ZNF491: variants seen among roughly 807,000 people sequenced by gnomAD.
ZNF491 encodes zinc finger protein 491.
In ZNF491, 22 loss-of-function variants were observed where a neutral mutation model predicts 34.7. The observed-to-expected ratio is 0.63, with a 90% CI of 0.45 to 0.90. The LOEUF is 0.90. Ranked by LOEUF, ZNF491 falls within the 40% of genes least tolerant of loss-of-function variation. The pLI, the probability that ZNF491 is intolerant of heterozygous loss-of-function variation, is 0.00. For missense variants in ZNF491, 559 were observed against 531.7 expected, an observed-to-expected ratio of 1.05 and a Z score of -0.51; for synonymous variants, 148 against 174.3, an observed-to-expected ratio of 0.85 and a Z score of 1.19.
intron 1 of ZNF491, among the ~76,000 whole-genome samples, chr19:11,802,769 T>C (rs1476027960): frequency 6.6e-6 from 1 of 152,190 alleles, no homozygotes; most frequent in African/African-American, 2.4e-5. Context: ...TCAAATCCAC[T>C]TTCCAGATAC....
Position 11,804,532 on chromosome 19 carries a change from G to A in ZNF491, c.-133-10G>A. 3.9e-6 allele frequency: 6 copies of A among 1,549,758 alleles called. No homozygotes were observed. Among genetic ancestry groups the A allele is most frequent in the Non-Finnish European group, 5.2e-6 (6 of 1,153,206 alleles). On this transcript the variant is annotated splice_polypyrimidine_tract_variant and intron_variant, in intron 1 of 2. Transcript: ENST00000323169. ...CACCCATCCTCCTCTACACATGTGA[G>A]ATGTTTCAGGACCCAGTGGCCTTTG...
In ZNF491 at chr19:11,807,246, A is replaced by C. The variant is rs560125204; in HGVS notation, c.1293A>C (p.Arg431Ser). The change falls in exon 3 of 3, where the codon AGA becomes AGC. Residue 431 changes from arginine (R) to serine (S), a missense_variant. Transcript: ENST00000323169. ...IRSSYCRKHERTHTINI is the reference protein window; with the variant it reads ...IRSSYCRKHESTHTINI ...CCAGTTACTGTCGAAAACATGAAAG[A>C]ACTCACACTATTAATATATGAGAGA... 3.3e-4 allele frequency: 506 copies of C among 1,552,750 alleles called. 5 individuals carry two copies. The South Asian group carries it at 6.1e-3, about 19-fold the overall frequency.
rs184547733 is a variant in ZNF491 at position 11,805,135 on chromosome 19, C to T, written c.-8+468C>T. ...ATAGTATTAAGAAACCTCAGCTGGC[C>T]GTGGTGGCTCACGCCTGTAATCCCA... On this transcript the variant is annotated intron_variant, in intron 2 of 2. Transcript: ENST00000323169. Among the ~76,000 whole-genome samples the T allele has an allele frequency of 1.1e-3, 166 of 152,274 alleles. 1 individual carries two copies. Among genetic ancestry groups the T allele is most frequent in the Admixed American group, 1.7e-3 (26 of 15,286 alleles).
intron 1 of ZNF491, among the ~76,000 whole-genome samples, chr19:11,801,747 T>G (rs1422281757): frequency 6.6e-6 from 1 of 152,238 alleles, no homozygotes; most frequent in Non-Finnish European, 1.5e-5. Flanking sequence ...TTTGACAATT[T>G]TATATAACTT....
At chr19:11,800,700 T>A (rs1003790117) in intron 1 of ZNF491, among the ~76,000 whole-genome samples, 4 of 152,068 alleles carry the variant, frequency 2.6e-5, no homozygotes, top group African/African-American at 7.2e-5. Context: ...TTTGTATTTT[T>A]AGTAGAGACA....
intron 1 of ZNF491, among the ~76,000 whole-genome samples, chr19:11,803,821 T>C (rs1568232854): frequency 1.3e-5 from 2 of 152,154 alleles, no homozygotes; most frequent in Admixed American, 6.5e-5. Flanking sequence ...CTTTCCATAC[T>C]CTGTTCTTTG....
chr19:11,801,823 T>A (rs146471561), intron 1 of ZNF491, among the ~76,000 whole-genome samples: 5 of 152,204 alleles, frequency 3.3e-5, no homozygotes, highest in African/African-American at 1.2e-4. Context: ...CTTAGTATCA[T>A]GAAGTTTCAT....
Position 11,807,395 on chromosome 19 carries a change from A to C in ZNF491, c.*128A>C. ...AAGTGTCAATAAAGGAAGGCAATAA[A>C]ATGTAGAGATGGAGTTAGGTGATGC... On this transcript the variant is annotated 3_prime_UTR_variant, in exon 3 of 3. Transcript: ENST00000323169. The C allele has an allele frequency of 1.5e-6, 1 of 655,074 alleles. No homozygotes were observed. The highest frequency in any genetic ancestry group is 2.5e-6 in the Non-Finnish European group (1 of 406,898). The allele number at this position is 655,074 out of a possible 1,614,324, so 40.6% of individuals were successfully genotyped here.
Position 11,806,500 on chromosome 19 carries a change from G to T in ZNF491, c.547G>T (p.Gly183Trp). 1.2e-6 allele frequency: 2 copies of T among 1,614,022 alleles called. No homozygotes were observed. The highest frequency in any genetic ancestry group is 2.2e-5 in the South Asian group (2 of 91,064). ...TCGAATCCATGAAAGAACTCACACT[G>T]GGGAGAAGCCATATGAATGTAAGGA... ...SVRIHERTHT[G>W]EKPYECKECG... Residue 183 changes from glycine to tryptophan, a missense_variant, in exon 3 of 3, where the codon GGG (glycine) becomes TGG (tryptophan). Coordinates refer to ENST00000323169, the MANE Select transcript of ZNF491 (RefSeq NM_152356.4).
intron 1 of ZNF491, among the ~76,000 whole-genome samples, chr19:11,800,081 G>T (rs1038981283): frequency 6.6e-5 from 10 of 152,192 alleles, no homozygotes. Flanking sequence ...GAGGATGGAA[G>T]TTGGTTTAGT....
chr19:11,805,610 G>A (rs895910432), intron 2 of ZNF491, among the ~76,000 whole-genome samples: 8 of 152,144 alleles, frequency 5.3e-5, no homozygotes, highest in Non-Finnish European at 5.9e-5. Context: ...CACTTTGGGA[G>A]ACCAAGGCAA....
intron 1 of ZNF491, among the ~76,000 whole-genome samples, chr19:11,801,680 A>C (rs1975561067): frequency 6.6e-6 from 1 of 152,170 alleles, no homozygotes; most frequent in South Asian, 2.1e-4. Context: ...TAATTACAAT[A>C]AGAAAAACCT....
intron 1 of ZNF491, among the ~76,000 whole-genome samples, chr19:11,804,257 C>G (rs975408280): frequency 1.3e-5 from 2 of 151,314 alleles, no homozygotes; most frequent in Non-Finnish European, 2.9e-5. Context: ...GGTACCATGT[C>G]CAGAGGGTCC....
At chr19:11,803,466 T>C (rs1599280251) in intron 1 of ZNF491, among the ~76,000 whole-genome samples, 1 of 152,148 alleles carries the variant, frequency 6.6e-6, no homozygotes, top group Non-Finnish European at 1.5e-5. Context: ...TTTTCAACAG[T>C]TTTTCCACTA....
rs555941733 is a variant in ZNF491 at position 11,806,932 on chromosome 19, G to A, written c.979G>A (p.Asp327Asn). ...HERTHTGEKPDGCKQCGKAFR... is the reference protein window; with the variant it reads ...HERTHTGEKPNGCKQCGKAFR... ...AAGGACTCACACTGGAGAGAAACCC[G>A]ATGGGTGTAAGCAATGTGGGAAAGC... Residue 327 changes from aspartate to asparagine, a missense_variant, in exon 3 of 3, where the codon GAT (aspartate) becomes AAT (asparagine). Asp to Asn is a conservative substitution (Grantham distance 23). Coordinates refer to ENST00000323169, the MANE Select transcript of ZNF491 (RefSeq NM_152356.4). 8.7e-6 allele frequency: 14 copies of A among 1,610,314 alleles called. No homozygotes were observed. Among genetic ancestry groups the A allele is most frequent in the African/African-American group, 1.4e-5 (1 of 73,996 alleles).
rs1012230956 is a variant in ZNF491 at position 11,807,491 on chromosome 19, C to T, written c.*224C>T. The T allele has an allele frequency of 9.6e-6, 4 of 414,550 alleles. No individual in the cohort carries two copies. In the Admixed American group the frequency reaches 1.2e-4, roughly 12 times the overall value. The allele number at this position is 414,550 out of a possible 1,614,324, so 25.7% of individuals were successfully genotyped here. On this transcript the variant is annotated 3_prime_UTR_variant, in exon 3 of 3. Transcript: ENST00000323169. ...GCAGACATGAGGAAGGCCTTAGTCA[C>T]ATTTTAGAGCCAGCCAAATTCACAT... is the stretch of plus-strand genomic sequence containing the variant.
At chr19:11,805,283 C>T (rs1360807582) in intron 2 of ZNF491, among the ~76,000 whole-genome samples, 1 of 151,976 alleles carries the variant, frequency 6.6e-6, no homozygotes, top group African/African-American at 2.4e-5. Context: ...GTGGCACATG[C>T]CTGTAATCCC....
intron 1 of ZNF491, among the ~76,000 whole-genome samples, chr19:11,800,250 A>G (rs1975544345): frequency 2.6e-5 from 4 of 152,164 alleles, no homozygotes. Flanking sequence ...GGGGGCTCTG[A>G]GGAGCCTGAC....
chr19:11,801,509 G>T (rs1975559125), intron 1 of ZNF491, among the ~76,000 whole-genome samples: 1 of 152,138 alleles, frequency 6.6e-6, no homozygotes, highest in Non-Finnish European at 1.5e-5. Flanking sequence ...ACAAAAATTA[G>T]CTGGGCATGG....
Sources: allele counts gnomAD v4.1 joint callset (sites outside exome capture counted in the v4.1 genomes callset), GRCh38; gene constraint gnomAD v4.1.1; transcripts MANE v1.5; gene names NCBI Gene and HGNC (gene_info 2026-07-23, HGNC 2026-07-21).